PLAUR: variants seen among roughly 807,000 people sequenced by gnomAD.
The protein encoded by PLAUR is urokinase plasminogen activator surface receptor.
A neutral mutation model predicts 33.4 loss-of-function variants in PLAUR; 22 were observed. That is an observed-to-expected ratio of 0.66 (90% CI 0.47 to 0.94). PLAUR has a LOEUF of 0.94. Ranked by LOEUF, PLAUR falls within the 40% of genes least tolerant of loss-of-function variation. The pLI is 0.00. For missense variants in PLAUR, 408 were observed against 434.7 expected (o/e 0.94, Z 0.55); for synonymous variants, 148 against 167.3 (o/e 0.88, Z 0.89).
At chr19:43,661,952 C>T (rs1346931200) in intron 3 of PLAUR, among the ~76,000 whole-genome samples, 1 of 151,146 alleles carries the variant, frequency 6.6e-6, no homozygotes, top group Non-Finnish European at 1.5e-5. Flanking sequence ...CTGCAGCCTC[C>T]AACTCCTGGG....
At chr19:43,650,981 T>C (rs1332237813) in intron 6 of PLAUR, among the ~76,000 whole-genome samples, 1 of 148,404 alleles carries the variant, frequency 6.7e-6, no homozygotes, top group East Asian at 2.0e-4. Context: ...TGCAGTGAGC[T>C]GAGACCATGC....
chr19:43,666,761 G>C (rs1346633335), intron 2 of PLAUR, among the ~76,000 whole-genome samples: 3 of 151,922 alleles, frequency 2.0e-5, no homozygotes, highest in African/African-American at 7.3e-5. Context: ...TAGAGACAGG[G>C]TTTCACCATG....
chr19:43,666,606 C>T (rs879500873), intron 2 of PLAUR, among the ~76,000 whole-genome samples: 4 of 149,612 alleles, frequency 2.7e-5, no homozygotes, highest in Admixed American at 2.0e-4. Context: ...TTGCTCTTGT[C>T]GCCCAGGCTG....
chr19:43,662,970 C>A (rs149867017), intron 3 of PLAUR, among the ~76,000 whole-genome samples: 2 of 152,142 alleles, frequency 1.3e-5, no homozygotes, highest in African/African-American at 2.4e-5. Context: ...GGATTACAGG[C>A]GTGAGCCACT....
chr19:43,658,352 G>A (rs1974297252), intron 3 of PLAUR, among the ~76,000 whole-genome samples: 1 of 152,186 alleles, frequency 6.6e-6, no homozygotes, highest in Non-Finnish European at 1.5e-5. Flanking sequence ...GCAGGCTCAT[G>A]AAGGATCCTG....
At position 43,659,167 on chromosome 19, in the gene PLAUR, C is replaced by CTTTTTCTT. The variant is rs1555780396; in HGVS notation, c.311-2528_311-2527insAAGAAAAA. Reference sequence around the variant, plus strand: ...GCTATTTTCCTTTTTCTTTTCTTTTCTTTTTTTTTTTTTTTGAGATAGGGT... The same window carrying CTTTTTCTT: ...GCTATTTTCCTTTTTCTTTTCTTTTCTTTTTCTTTTTTTTTTTTTTTTTGAGATAGGGT... On this transcript the variant is annotated intron_variant, in intron 3 of 6. Transcript: ENST00000340093. Among the ~76,000 whole-genome samples, 437 of 97,140 alleles carry CTTTTTCTT rather than the reference C, an allele frequency of 4.5e-3. 13 individuals carry two copies. The highest frequency in any genetic ancestry group is 0.017 in the African/African-American group (427 of 25,022). 63.7% of individuals were successfully genotyped at this position (97,140 alleles called of 152,430 possible).
rs371436669 is a variant in PLAUR, at chr19:43,648,855, C to T, written c.*35G>A. The stretch of plus-strand genomic sequence containing the variant: ...CCGAGGGAAGGGCAAAGGGGTCCCC[C>T]GGATCCAGCCAGGGCAGAGAGGGGG... On this transcript the variant is annotated 3_prime_UTR_variant, in exon 7 of 7. Transcript: ENST00000340093. 1.8e-4 allele frequency: 291 copies of T among 1,592,136 alleles called. 3 individuals carry two copies. The South Asian group carries it at 2.3e-3, about 12-fold the overall frequency.
chr19:43,653,770 G>A (rs960109607), intron 5 of PLAUR, among the ~76,000 whole-genome samples: 1 of 152,154 alleles, frequency 6.6e-6, no homozygotes, highest in African/African-American at 2.4e-5. Flanking sequence ...GCTTGAGCCT[G>A]GGAGTTTGAT....
In PLAUR at chr19:43,648,873, AG is replaced by A; in HGVS notation, c.*16del. 6.2e-7 allele frequency: 1 copy of A among 1,605,822 alleles called. No individual in the cohort carries two copies. Among genetic ancestry groups the A allele is most frequent in the African/African-American group, 1.3e-5 (1 of 74,928 alleles). On this transcript the variant is annotated 3_prime_UTR_variant, in exon 7 of 7. Transcript: ENST00000340093. ...GGTCCCCCGGATCCAGCCAGGGCAG[AG>A]AGGGGGATTTCAGGTTTAGGTCCAG...
intron 5 of PLAUR, among the ~76,000 whole-genome samples, chr19:43,655,199 C>T (rs1402521888): frequency 6.8e-6 from 1 of 146,090 alleles, no homozygotes; most frequent in Non-Finnish European, 1.5e-5. Context: ...ATCGCTTGAA[C>T]TCGTGAGGCG....
intron 6 of PLAUR, among the ~76,000 whole-genome samples, chr19:43,650,899 G>A (rs1444594219): frequency 6.6e-6 from 1 of 151,550 alleles, no homozygotes; most frequent in Admixed American, 6.6e-5. Flanking sequence ...TGGGCATGGT[G>A]GCTCATGCCT....
chr19:43,652,359 T>G lies in PLAUR; in HGVS notation c.620A>C (p.Glu207Ala). The change falls in exon 6 of 7, where the codon GAA (glutamate) becomes GCA (alanine). Residue 207 changes from glutamate (E) to alanine (A), a missense_variant. By Grantham distance (107) the Glu-to-Ala change is moderately radical. Transcript: ENST00000340093. The stretch of plus-strand genomic sequence containing the variant: ...CTGGCGGCCATTCTGCGGCAGATTT[T>G]CAAGCTCCAGGACTTAGGAGAAGAC... ...KCNEGPILEL[E>A]NLPQNGRQCY... The G allele has an allele frequency of 6.2e-7, 1 of 1,614,040 alleles. No homozygotes were observed. The highest frequency in any genetic ancestry group is 1.3e-5 in the African/African-American group (1 of 75,036).
intron 6 of PLAUR, among the ~76,000 whole-genome samples, chr19:43,649,570 AAGGG>A (rs536732181): frequency 9.7e-4 from 134 of 137,576 alleles, no homozygotes; most frequent in Non-Finnish European, 1.8e-3. Flanking sequence ...GAAAGGAAGG[AAGGG>A]AGGGAGGGAG....
intron 3 of PLAUR, among the ~76,000 whole-genome samples, chr19:43,659,481 T>C (rs1974352776): frequency 6.6e-6 from 1 of 152,158 alleles, no homozygotes; most frequent in South Asian, 2.1e-4. Context: ...TTTTTATCTC[T>C]CACAGTATAG....
chr19:43,657,612 G>A lies in PLAUR; in HGVS notation c.311-972C>T, dbSNP rs560941128. ...TAGGAAGCCCTTCCTGATCCACCAGGCTCCCACACACCCCTGTACTCCCCC... is the reference window on the plus strand; with the variant it reads ...TAGGAAGCCCTTCCTGATCCACCAGACTCCCACACACCCCTGTACTCCCCC... On this transcript the variant is annotated intron_variant, in intron 3 of 6. Coordinates refer to ENST00000340093, the MANE Select transcript of PLAUR (RefSeq NM_002659.4). Among the ~76,000 whole-genome samples, 8 of 151,986 alleles carry A rather than the reference G, an allele frequency of 5.3e-5. No individual in the cohort carries two copies. The South Asian group carries it at 1.7e-3, about 32-fold the overall frequency.
rs750833894 is a variant in PLAUR at position 43,655,506 on chromosome 19, A to G, written c.540T>C (p.Gly180=). ...GYLPGCPGSN[G]FHNNDTFHFL... is the part of the protein sequence containing the mutation. ...AGTGGAAGGTGTCGTTGTTGTGGAAACCATTGGAGCCCGGGCAGCCGGGAA... is the reference window on the plus strand; with the variant it reads ...AGTGGAAGGTGTCGTTGTTGTGGAAGCCATTGGAGCCCGGGCAGCCGGGAA... Residue 180 remains glycine, a synonymous_variant, in exon 5 of 7, where the codon GGT becomes GGC. Transcript: ENST00000340093. The G allele has an allele frequency of 1.2e-6, 2 of 1,614,058 alleles. No homozygotes were observed. The highest frequency in any genetic ancestry group is 2.2e-5 in the South Asian group (2 of 91,078).
chr19:43,659,594 G>C (rs385780), intron 3 of PLAUR, among the ~76,000 whole-genome samples: 41,858 of 152,004 alleles, frequency 0.28, 6,309 homozygotes, highest in East Asian at 0.63. Flanking sequence ...CTCCAGACAC[G>C]CAACTGTCTC....
chr19:43,651,304 C>T (rs1352734593), intron 6 of PLAUR, among the ~76,000 whole-genome samples: 4 of 151,958 alleles, frequency 2.6e-5, no homozygotes, highest in Non-Finnish European at 4.4e-5. Flanking sequence ...CTTGAACTCC[C>T]GACCTCAGGT....
Position 43,668,378 on chromosome 19 carries a change from C to A in PLAUR, c.56-687G>T, listed in dbSNP as rs1600147245. ...GAGGTTCTAGCCCCGCCCTTTAGCT[C>A]TTCCTGACCTTATCTTCCCGCCCCC... On this transcript the variant is annotated intron_variant, in intron 1 of 6. Coordinates refer to ENST00000340093, the MANE Select transcript of PLAUR (RefSeq NM_002659.4). The A allele has an allele frequency of 1.2e-5, 11 of 886,692 alleles. No individual in the cohort carries two copies. The African/African-American group carries it at 1.4e-4, about 12-fold the overall frequency. 54.9% of individuals were successfully genotyped at this position (886,692 alleles called of 1,614,324 possible). A position where few individuals can be genotyped will look rare whatever the true frequency, so the allele number is the denominator to read the frequency against.
Sources: allele counts gnomAD v4.1 joint callset (sites outside exome capture counted in the v4.1 genomes callset), GRCh38; gene constraint gnomAD v4.1.1; transcripts MANE v1.5; gene names NCBI Gene and HGNC (gene_info 2026-07-23, HGNC 2026-07-21).